The following GJA8 variants were observed in gnomAD, a reference collection of about 807,000 sequenced individuals.
GJA8 encodes the protein gap junction alpha-8 protein.
GJA8 carries 13 observed loss-of-function variants against 15.3 expected under a neutral mutation model. That is an observed-to-expected ratio of 0.85 (90% CI 0.55 to 1.35). The LOEUF (loss-of-function observed/expected upper bound fraction) is 1.35. Ranked by LOEUF, GJA8 falls within the 40% of genes most tolerant of loss-of-function variation. The pLI, the probability that GJA8 is intolerant of heterozygous loss-of-function variation, is 0.00. For missense variants in GJA8, 607 were observed against 553.3 expected, an observed-to-expected ratio of 1.10 and a Z score of -0.97; for synonymous variants, 304 against 238.7, an observed-to-expected ratio of 1.27 and a Z score of -2.52.
At position 147,908,630 on chromosome 1, in the gene GJA8, C is replaced by T. The variant is rs782346127; in HGVS notation, c.675C>T (p.Gly225=). Residue 225 remains glycine, a synonymous_variant, in exon 2 of 2, where the codon GGC becomes GGT. Transcript: ENST00000369235. ...VSLFLNVMEL[G]HLGLKGIRSA... is the part of the protein sequence containing the mutation. ...TATTCCTCAACGTGATGGAGTTGGG[C>T]CACCTGGGCCTGAAGGGGATCCGGT... The T allele has an allele frequency of 1.2e-6, 2 of 1,613,936 alleles. No homozygotes were observed. Among genetic ancestry groups the T allele is most frequent in the African/African-American group, 1.3e-5 (1 of 74,900 alleles).
downstream of GJA8, among the ~76,000 whole-genome samples, chr1:147,911,549 C>T (rs1248291654): frequency 6.6e-6 from 1 of 152,170 alleles, no homozygotes; most frequent in East Asian, 1.9e-4. Flanking sequence ...ATCTTGGAGG[C>T]ACGTGATTTT....
chr1:147,911,283 T>G (rs1205449343), downstream of GJA8, among the ~76,000 whole-genome samples: 2 of 152,182 alleles, frequency 1.3e-5, no homozygotes, highest in East Asian at 3.9e-4. Flanking sequence ...TTTAAGATAT[T>G]CATTCAAGAT....
chr1:147,903,824 C>G (rs28489271), intron 1 of GJA8, among the ~76,000 whole-genome samples: 49 of 151,946 alleles, frequency 3.2e-4, no homozygotes, highest in African/African-American at 1.1e-3. Context: ...AATTTAAAGG[C>G]TTGTCTTTTA....
At chr1:147,909,297 G>C (rs377572407), downstream of GJA8, 18 of 1,379,006 alleles carry the variant, frequency 1.3e-5, no homozygotes, top group Middle Eastern at 1.8e-4. Context: ...CCAAGCTTAC[G>C]TAGGGCAAGA....
downstream of GJA8, chr1:147,909,270 GA>G (rs34123490): frequency 0.14 from 150,500 of 1,084,622 alleles, 4,481 homozygotes; most frequent in African/African-American, 0.33. Flanking sequence ...TGACGCCAAA[GA>G]AAAAAAAAAA....
At chr1:147,902,991 G>C (rs1170421254) in intron 1 of GJA8, among the ~76,000 whole-genome samples, 130 bp downstream of exon 1, 2 of 152,118 alleles carry the variant, frequency 1.3e-5, no homozygotes, top group African/African-American at 4.8e-5. Context: ...TCTTGGGCTG[G>C]GATGGCTAGA....
At chr1:147,910,983 A>T (rs1553243392), downstream of GJA8, among the ~76,000 whole-genome samples, 1 of 152,246 alleles carries the variant, frequency 6.6e-6, no homozygotes, top group African/African-American at 2.4e-5. Flanking sequence ...GTACACGTAC[A>T]TATTTCATAC....
chr1:147,907,878 A>G (rs1374057535), intron 1 of GJA8, 67 bp from the exon 2 acceptor site: 3 of 1,159,370 alleles, frequency 2.6e-6, no homozygotes, highest in Non-Finnish European at 3.9e-6. Context: ...CGCGTTAGCA[A>G]AAACAGATAT....
chr1:147,906,101 TA>T (rs1485469297), intron 1 of GJA8, among the ~76,000 whole-genome samples: 3 of 152,242 alleles, frequency 2.0e-5, no homozygotes, highest in Non-Finnish European at 4.4e-5. Flanking sequence ...AGGTTGGAAA[TA>T]GGCTTTTGTG....
At chr1:147,913,048 C>A (rs1257465408), downstream of GJA8, among the ~76,000 whole-genome samples, 1 of 152,166 alleles carries the variant, frequency 6.6e-6, no homozygotes, top group Admixed American at 6.5e-5. Context: ...ACAAAGAACA[C>A]TGACATTCAA....
At chr1:147,910,265 C>T (rs1012575724), downstream of GJA8, among the ~76,000 whole-genome samples, 16 of 152,202 alleles carry the variant, frequency 1.1e-4, no homozygotes, top group African/African-American at 3.4e-4. Context: ...CCACATTTAA[C>T]CTGTGAGGCA....
chr1:147,912,833 G>C (rs376204766), downstream of GJA8, among the ~76,000 whole-genome samples: 1 of 148,126 alleles, frequency 6.8e-6, no homozygotes, highest in East Asian at 2.0e-4. Flanking sequence ...TGTACTCAAA[G>C]TTCAGTGAGA....
intron 1 of GJA8, among the ~76,000 whole-genome samples, chr1:147,906,363 G>A (rs1252897314): frequency 6.6e-6 from 1 of 152,196 alleles, no homozygotes; most frequent in African/African-American, 2.4e-5. Context: ...GGTTTGCACT[G>A]GATGAATGAC....
chr1:147,908,805 G>T lies in GJA8; in HGVS notation c.850G>T (p.Val284Phe). 1 of 1,614,178 alleles carries T rather than the reference G, an allele frequency of 6.2e-7. No individual in the cohort carries two copies. The highest frequency in any genetic ancestry group is 8.5e-7 in the Non-Finnish European group (1 of 1,180,028). Residue 284 changes from valine (V) to phenylalanine (F), a missense_variant, in exon 2 of 2, where the codon GTT (valine) becomes TTT (phenylalanine). By Grantham distance (50) the Val-to-Phe change is conservative (BLOSUM62 -1). Coordinates refer to ENST00000369235, the MANE Select transcript of GJA8 (RefSeq NM_005267.5). ...TTCCCACTATTTCCCCTTGACCGAG[G>T]TTGGGATGGTGGAGACCAGCCCACT... ...IVSHYFPLTEVGMVETSPLPA... is the reference protein window; with the variant it reads ...IVSHYFPLTEFGMVETSPLPA...
chr1:147,910,912 T>C (rs1553243381), downstream of GJA8, among the ~76,000 whole-genome samples: 1 of 152,176 alleles, frequency 6.6e-6, no homozygotes, highest in Non-Finnish European at 1.5e-5. Flanking sequence ...AGGGCTCCTG[T>C]CCTCATATTC....
In GJA8 at chr1:147,908,326, C is replaced by A; in HGVS notation, c.371C>A (p.Pro124Gln). Residue 124 changes from proline to glutamine, a missense_variant, in exon 2 of 2, where the codon CCG becomes CAG. Coordinates refer to ENST00000369235, the MANE Select transcript of GJA8 (RefSeq NM_005267.5). ...LGQQAGTNGG[P>Q]DQGSVKKSSG... ...CAGCAGGCGGGGACTAACGGCGGCCCGGACCAGGGCAGCGTCAAGAAGAGC... is the reference window on the plus strand; with the variant it reads ...CAGCAGGCGGGGACTAACGGCGGCCAGGACCAGGGCAGCGTCAAGAAGAGC... 2 of 1,614,190 alleles carry A rather than the reference C, an allele frequency of 1.2e-6. No homozygotes were observed. Among genetic ancestry groups the A allele is most frequent in the Non-Finnish European group, 1.7e-6 (2 of 1,180,036 alleles).
chr1:147,913,221 G>C (rs1421637474), downstream of GJA8, among the ~76,000 whole-genome samples: 1 of 152,036 alleles, frequency 6.6e-6, no homozygotes, highest in Non-Finnish European at 1.5e-5. Flanking sequence ...GGAAATAAAT[G>C]GAAAAGAAAG....
downstream of GJA8, chr1:147,909,339 C>T (rs1201256863): frequency 8.5e-6 from 9 of 1,054,168 alleles, no homozygotes; most frequent in Non-Finnish European, 1.3e-5. Flanking sequence ...TGATCTGAAT[C>T]TTCTGTCTCC....
At position 147,909,251 on chromosome 1, in the gene GJA8, C is replaced by T. The variant is rs782581406; in HGVS notation, c.1296C>T (p.Thr432=). 8 of 1,319,704 alleles carry T rather than the reference C, an allele frequency of 6.1e-6. No homozygotes were observed. Among genetic ancestry groups the T allele is most frequent in the South Asian group, 2.4e-5 (2 of 84,904 alleles). 81.7% of individuals were successfully genotyped at this position (1,319,704 alleles called of 1,614,324 possible). The change falls in exon 2 of 2, where the codon ACC becomes ACT. Residue 432 remains threonine, a synonymous_variant. Transcript: ENST00000369235. ...ASSRARSDDL[T]V ...GCCGAGCCAGGTCAGACGATCTAAC[C>T]GTATGAAGTGACGCCAAAGAAAAAA...
Sources: gnomAD v4.1 joint callset for allele counts (sites outside exome capture counted in the v4.1 genomes callset) on GRCh38, gnomAD v4.1.1 for gene constraint, MANE v1.5 for transcripts, NCBI Gene and HGNC (gene_info 2026-07-23, HGNC 2026-07-21) for gene names.